The following WDTC1 variants were observed in gnomAD, a reference collection of about 807,000 sequenced individuals.
The protein encoded by WDTC1 is WD and tetratricopeptide repeats 1.
In WDTC1, 12 loss-of-function variants were observed where a neutral mutation model predicts 76.0. The ratio of observed to expected loss-of-function variants is 0.16; its 90% confidence interval spans 0.10 to 0.26. The LOEUF is 0.26. Ranked by LOEUF, WDTC1 falls within the 10% of genes least tolerant of loss-of-function variation. WDTC1 has a pLI of 1.00. For synonymous variants in WDTC1, 326 were observed against 350.8 expected, an observed-to-expected ratio of 0.93 and a Z score of 0.79; for missense variants, 511 against 908.8, an observed-to-expected ratio of 0.56 and a Z score of 5.63.
At chr1:27,282,117 G>A in intron 3 of WDTC1, 122 bp from the exon 4 acceptor site, 1 of 914,668 alleles carries the variant, frequency 1.1e-6, no homozygotes, top group South Asian at 1.5e-5. Context: ...CCACTCACAT[G>A]CACTTGGAAA....
At chr1:27,253,576 A>C (rs1570944671) in intron 1 of WDTC1, among the ~76,000 whole-genome samples, 1 of 142,976 alleles carries the variant, frequency 7.0e-6, no homozygotes. Context: ...CGAAGTCCTG[A>C]CCTCAAGCGA....
Position 27,305,248 on chromosome 1 carries a change from G to C in WDTC1, c.1836+55G>C, listed in dbSNP as rs2013926251. ...GGCAGGGACTCTGTGGAAGGCTCCA[G>C]TGGAGCCTGCTAGCGCAGGGAAGAG... is the stretch of plus-strand genomic sequence containing the variant. On this transcript the variant is annotated intron_variant, in intron 15 of 15. Coordinates refer to ENST00000319394, the MANE Select transcript of WDTC1 (RefSeq NM_001276252.2). This position sits in a 1 kb window ranked among gnomAD's most constrained non-coding sequence, Gnocchi z 4.6. 1.3e-6 allele frequency: 2 copies of C among 1,569,898 alleles called. No homozygotes were observed. Among genetic ancestry groups the C allele is most frequent in the East Asian group, 2.3e-5 (1 of 44,116 alleles).
chr1:27,268,990 C>T (rs1480222572), intron 3 of WDTC1, among the ~76,000 whole-genome samples: 1 of 149,998 alleles, frequency 6.7e-6, no homozygotes, highest in Non-Finnish European at 1.5e-5. Context: ...GCTGGGATTA[C>T]AGGTGTGAGC....
chr1:27,261,479 A>G (rs2012473661), intron 2 of WDTC1, among the ~76,000 whole-genome samples: 1 of 152,156 alleles, frequency 6.6e-6, no homozygotes, highest in Admixed American at 6.5e-5. Flanking sequence ...AGATCCTGGG[A>G]GAGTATTAGT....
At chr1:27,259,540 G>A (rs2012407102) in intron 1 of WDTC1, among the ~76,000 whole-genome samples, 1 of 150,928 alleles carries the variant, frequency 6.6e-6, no homozygotes. Context: ...TGCCCAAGGA[G>A]GGCTTGAACT....
In WDTC1 at chr1:27,305,752, C is replaced by T. The variant is rs559607695; in HGVS notation, c.1837-434C>T. ...TATGTCTGATTCCCAAGATAATTTG[C>T]TGTGACTTTTAAAGAGAGGACCCCT... On this transcript the variant is annotated intron_variant, in intron 15 of 15. Transcript: ENST00000319394. This position sits in a 1 kb window ranked among gnomAD's most constrained non-coding sequence, Gnocchi z 4.6. Among the ~76,000 whole-genome samples the T allele has an allele frequency of 2.0e-4, 30 of 152,244 alleles. No homozygotes were observed. Among genetic ancestry groups the T allele is most frequent in the African/African-American group, 5.3e-4 (22 of 41,508 alleles).
intron 1 of WDTC1, among the ~76,000 whole-genome samples, chr1:27,240,336 G>A (rs2147898338): frequency 6.6e-6 from 1 of 152,280 alleles, no homozygotes; most frequent in South Asian, 2.1e-4. Flanking sequence ...GTAGTGTAGG[G>A]CTGATATTTG....
chr1:27,281,250 G>A (rs2013180552), intron 3 of WDTC1, among the ~76,000 whole-genome samples: 2 of 151,792 alleles, frequency 1.3e-5, no homozygotes, highest in African/African-American at 2.4e-5. Context: ...TCATGAGGTC[G>A]AGACCATCCT....
chr1:27,256,672 C>A (rs985793400), intron 1 of WDTC1, among the ~76,000 whole-genome samples: 7 of 152,132 alleles, frequency 4.6e-5, no homozygotes, highest in Non-Finnish European at 1.0e-4. Context: ...TCTGTCCCTT[C>A]CTGCTAGAAT....
chr1:27,264,428 A>C (rs778531517), intron 3 of WDTC1, among the ~76,000 whole-genome samples: 3 of 152,114 alleles, frequency 2.0e-5, no homozygotes, highest in Non-Finnish European at 4.4e-5. Context: ...GTCTCTAAAA[A>C]TTAAAATGAA....
At chr1:27,290,307 C>T (rs1042537826) in intron 6 of WDTC1, among the ~76,000 whole-genome samples, 1 of 152,090 alleles carries the variant, frequency 6.6e-6, no homozygotes, top group Non-Finnish European at 1.5e-5. Context: ...AGGTCTCAAA[C>T]TCCTGGGCTC....
At chr1:27,268,398 TTTTGTTTGTTTG>T (rs67813470) in intron 3 of WDTC1, among the ~76,000 whole-genome samples, 1 of 150,412 alleles carries the variant, frequency 6.6e-6, no homozygotes, top group African/African-American at 2.5e-5. Flanking sequence ...TTTTTTAGGG[TTTTGTTTGTTTG>T]TTTGTTTGTT....
At position 27,303,490 on chromosome 1, in the gene WDTC1, C is replaced by T; in HGVS notation, c.1469-131C>T. ...TTCCTCACAACCTTTCCCCAGTTTT[C>T]CAGGATAAGGGTGGAGGCAGGTAGC... On this transcript the variant is annotated intron_variant, in intron 13 of 15. Transcript: ENST00000319394. This position sits in a 1 kb window ranked among gnomAD's most constrained non-coding sequence, Gnocchi z 4.8. 8.6e-7 allele frequency: 1 copy of T among 1,169,094 alleles called. No individual in the cohort carries two copies. Among genetic ancestry groups the T allele is most frequent in the Non-Finnish European group, 1.2e-6 (1 of 867,434 alleles). The allele number at this position is 1,169,094 out of a possible 1,614,324, so 72.4% of individuals were successfully genotyped here. A position where few individuals can be genotyped will look rare whatever the true frequency, so the allele number is the denominator to read the frequency against.
intron 5 of WDTC1, among the ~76,000 whole-genome samples, chr1:27,287,418 G>A (rs1193683142): frequency 1.3e-5 from 2 of 151,998 alleles, no homozygotes; most frequent in African/African-American, 4.8e-5. Context: ...TGCCCAGGCT[G>A]GAGTGCAGTG....
chr1:27,304,967 C>T (rs1028110269), intron 14 of WDTC1, 34 bp from the exon 15 acceptor site: 33 of 1,591,844 alleles, frequency 2.1e-5, no homozygotes, highest in Non-Finnish European at 2.8e-5. Flanking sequence ...GGCAGTACCC[C>T]ACCTGACCTC....
intron 7 of WDTC1, among the ~76,000 whole-genome samples, chr1:27,293,755 T>G (rs1186585952): frequency 6.6e-6 from 1 of 152,178 alleles, no homozygotes; most frequent in Non-Finnish European, 1.5e-5. Flanking sequence ...GGAGCGGGTC[T>G]TGAACCTTAG....
At chr1:27,300,756 G>A (rs920193361) in intron 12 of WDTC1, among the ~76,000 whole-genome samples, 1 of 152,174 alleles carries the variant, frequency 6.6e-6, no homozygotes, top group African/African-American at 2.4e-5. Flanking sequence ...TGCGTCCCCA[G>A]CCTGACACTT....
At position 27,301,456 on chromosome 1, in the gene WDTC1, A is replaced by T. The variant is rs2013830578; in HGVS notation, c.1463A>T (p.Asp488Val). 1.2e-6 allele frequency: 2 copies of T among 1,612,454 alleles called. No individual in the cohort carries two copies. The highest frequency in any genetic ancestry group is 1.7e-6 in the Non-Finnish European group (2 of 1,179,966). The part of the protein sequence containing the change: ...DITAALFSKN[D>V]GEEKKGPGGG... ...ACAGCTGCCCTCTTCTCTAAAAATG[A>T]TGGTGGTGAGTGGGCACTGAGGAGG... The change falls in exon 13 of 16, where the codon GAT (aspartate) becomes GTT (valine). Residue 488 changes from aspartate to valine, a missense_variant. Coordinates refer to ENST00000319394, the MANE Select transcript of WDTC1 (RefSeq NM_001276252.2). The surrounding 1 kb of genome is among the most constrained non-coding windows in gnomAD (Gnocchi z 5.8).
intron 6 of WDTC1, among the ~76,000 whole-genome samples, chr1:27,289,204 A>G (rs1384611137): frequency 3.4e-5 from 5 of 146,486 alleles, no homozygotes; most frequent in Admixed American, 6.7e-5. Flanking sequence ...GGCCGGGCAG[A>G]GGGGCTCCTC....
Sources: allele counts gnomAD v4.1 joint callset (sites outside exome capture counted in the v4.1 genomes callset), GRCh38; gene constraint gnomAD v4.1.1; non-coding constraint Gnocchi (gnomAD v3.1); transcripts MANE v1.5; gene names NCBI Gene and HGNC (gene_info 2026-07-23, HGNC 2026-07-21).